PPWD1: variants seen among roughly 807,000 people sequenced by gnomAD.
PPWD1 encodes the protein peptidylprolyl isomerase domain and WD repeat-containing protein 1.
In PPWD1, 43 loss-of-function variants were observed where a neutral mutation model predicts 68.8. The observed-to-expected ratio is 0.62, with a 90% CI of 0.49 to 0.81. PPWD1 has a LOEUF of 0.81. PPWD1 is among the 30% of genes least tolerant of loss of function. The pLI, the probability that PPWD1 is intolerant of heterozygous loss-of-function variation, is 0.00. For synonymous variants in PPWD1, 232 were observed against 258.7 expected (o/e 0.90, Z 0.99); for missense variants, 672 against 804.8 (o/e 0.83, Z 2.00).
At chr5:65,567,033 CAAT>C (rs1380449862) in intron 1 of PPWD1, among the ~76,000 whole-genome samples, 3 of 152,054 alleles carry the variant, frequency 2.0e-5, no homozygotes, top group Non-Finnish European at 4.4e-5. Flanking sequence ...AACACAGTGT[CAAT>C]AACTTGAAAG....
Position 65,567,544 on chromosome 5 carries a change from TCTCCC to T in PPWD1, c.230_234del (p.Leu77GlnfsTer6), listed in dbSNP as rs974946435. 6.2e-7 allele frequency: 1 copy of T among 1,611,868 alleles called. No homozygotes were observed. Among genetic ancestry groups the T allele is most frequent in the African/African-American group, 1.3e-5 (1 of 74,848 alleles). ...AGTTTGAAAGAGTCTATCTTGATAA[TCTCCC>T]CAGTGCATCCATGTATGAGCGCAGT... On this transcript the variant is annotated frameshift_variant, in exon 2 of 11. Transcript: ENST00000261308. LOFTEE classifies it high-confidence loss of function.
Position 65,579,509 on chromosome 5 carries a change from G to A in PPWD1, c.1246G>A (p.Ala416Thr), listed in dbSNP as rs538651392. Reference sequence around the variant, plus strand: ...GGGGATAGCCAAAAAGCATCGTGCTGCAACTACTATAGAAATGAAAGCTTC... The same window carrying A: ...GGGGATAGCCAAAAAGCATCGTGCTACAACTACTATAGAAATGAAAGCTTC... Reference protein sequence around the residue: ...FQGIAKKHRAATTIEMKASEN... With the variant: ...FQGIAKKHRATTTIEMKASEN... Residue 416 changes from alanine to threonine, a missense_variant, in exon 7 of 11, where the codon GCA becomes ACA. This residue lies in a region of PPWD1 where 484 missense variants were observed against 646.2 expected (regional missense o/e 0.75). Transcript: ENST00000261308. 2.5e-5 allele frequency: 40 copies of A among 1,610,668 alleles called. No individual in the cohort carries two copies. The South Asian group carries it at 3.7e-4, about 15-fold the overall frequency.
At chr5:65,575,874 G>T (rs907500097) in intron 5 of PPWD1, among the ~76,000 whole-genome samples, 2 of 152,184 alleles carry the variant, frequency 1.3e-5, no homozygotes, top group African/African-American at 4.8e-5. Context: ...TTATGAATTT[G>T]TTATAAATTA....
intron 1 of PPWD1, among the ~76,000 whole-genome samples, chr5:65,566,287 C>A (rs1424302908): frequency 6.6e-6 from 1 of 152,166 alleles, no homozygotes; most frequent in East Asian, 1.9e-4. Context: ...TCCAGAAGTT[C>A]CTAGGCTCTC....
intron 5 of PPWD1, among the ~76,000 whole-genome samples, chr5:65,573,882 T>G (rs920750461): frequency 1.1e-4 from 16 of 152,146 alleles, no homozygotes; most frequent in African/African-American, 3.9e-4. Context: ...CCATCACTTG[T>G]TAGACTGCTA....
At chr5:65,564,136 CA>C (rs908486333) in intron 1 of PPWD1, among the ~76,000 whole-genome samples, 1 of 152,086 alleles carries the variant, frequency 6.6e-6, no homozygotes, top group Non-Finnish European at 1.5e-5. Context: ...AAATTATTAT[CA>C]AATAAAAGGG....
At position 65,571,863 on chromosome 5, in the gene PPWD1, G is replaced by C; in HGVS notation, c.546G>C (p.Trp182Cys). Reference sequence around the variant, plus strand: ...GCTATTTTCCTGGACAGTGTGAGTGGATCTATTGCCCAGGGGATGCAATTT... The same window carrying C: ...GCTATTTTCCTGGACAGTGTGAGTGCATCTATTGCCCAGGGGATGCAATTT... ...KLGYFPGQCEWIYCPGDAISS... is the reference protein window; with the variant it reads ...KLGYFPGQCECIYCPGDAISS... The change falls in exon 5 of 11, where the codon TGG becomes TGC. Residue 182 changes from tryptophan (W) to cysteine (C), a missense_variant. Physicochemically the swap from Trp to Cys is radical, Grantham distance 215. Transcript: ENST00000261308. 6.2e-7 allele frequency: 1 copy of C among 1,613,888 alleles called. No homozygotes were observed. The highest frequency in any genetic ancestry group is 8.5e-7 in the Non-Finnish European group (1 of 1,179,892).
chr5:65,569,517 T>G (rs989228776), intron 2 of PPWD1, 115 bp from the exon 3 acceptor site: 3 of 1,244,974 alleles, frequency 2.4e-6, no homozygotes, highest in Non-Finnish European at 2.1e-6. Flanking sequence ...AGGGTTTTTT[T>G]TAAAAAAAAA....
rs140669475 is a variant in PPWD1 at position 65,571,984 on chromosome 5, A to G, written c.667A>G (p.Thr223Ala). 30 of 1,613,964 alleles carry G rather than the reference A, an allele frequency of 1.9e-5. No individual in the cohort carries two copies. In the African/African-American group the frequency reaches 4.0e-4, roughly 22 times the overall value. The change falls in exon 5 of 11, where the codon ACA (threonine) becomes GCA (alanine). Residue 223 changes from threonine to alanine, a missense_variant. Thr to Ala is a moderately conservative substitution (Grantham distance 58). Coordinates refer to ENST00000261308, the MANE Select transcript of PPWD1 (RefSeq NM_015342.4). ...QPLHIFDKLH[T>A]SPLTQIRLNP... ...ACTTCATATTTTTGACAAACTCCAT[A>G]CATCACCTCTTACTCAGATACGGCT...
At chr5:65,583,642 C>T (rs1255833550) in intron 8 of PPWD1, among the ~76,000 whole-genome samples, 2 of 152,154 alleles carry the variant, frequency 1.3e-5, no homozygotes, top group Admixed American at 6.5e-5. Context: ...GTTTCAGTAG[C>T]TCTGTGTTTT....
At chr5:65,563,741 G>C in intron 1 of PPWD1, 1 of 1,435,408 alleles carries the variant, frequency 7.0e-7, no homozygotes, top group Non-Finnish European at 9.5e-7. Context: ...TGTTATGACA[G>C]ATGCTAAAAC....
At chr5:65,585,782 A>C (rs1753814547) in intron 9 of PPWD1, among the ~76,000 whole-genome samples, 1 of 152,194 alleles carries the variant, frequency 6.6e-6, no homozygotes, top group African/African-American at 2.4e-5. Flanking sequence ...CATGTCTATA[A>C]ATGAGAAGAC....
chr5:65,574,557 G>A (rs935614077), intron 5 of PPWD1, among the ~76,000 whole-genome samples: 4 of 147,742 alleles, frequency 2.7e-5, no homozygotes, highest in East Asian at 2.1e-4. Flanking sequence ...TCCGCTTCCC[G>A]GGTTCACGCC....
intron 5 of PPWD1, chr5:65,576,407 C>CAAAAA: frequency 2.2e-6 from 2 of 901,052 alleles, no homozygotes; most frequent in Non-Finnish European, 2.6e-6. Flanking sequence ...GACGGAGTCT[C>CAAAAA]ACTCTGTCCC....
Position 65,585,590 on chromosome 5 carries a change from G to A in PPWD1, c.1615-409G>A, listed in dbSNP as rs560562126. Among the ~76,000 whole-genome samples, 6 of 152,150 alleles carry A rather than the reference G, an allele frequency of 3.9e-5. No individual in the cohort carries two copies. The South Asian group carries it at 8.3e-4, about 21-fold the overall frequency. On this transcript the variant is annotated intron_variant, in intron 9 of 10. Transcript: ENST00000261308. ...GCTTGGTTTCTGGCAGGTCAGAAAC[G>A]GCAGGATGAAAAGTCAGATCTCAGG...
rs1283232135 is a variant in PPWD1, at chr5:65,563,402, A to T, written c.92A>T (p.Glu31Val). 1.2e-6 allele frequency: 2 copies of T among 1,614,100 alleles called. No individual in the cohort carries two copies. The highest frequency in any genetic ancestry group is 8.5e-7 in the Non-Finnish European group (1 of 1,179,992). ...GAAAAAACAGAACTCAGCGAAAGAG[A>T]GCTGGCAGTAGCAGTGGCGGTGTCC... ...EPEKTELSERELAVAVAVSQE... is the reference protein window; with the variant it reads ...EPEKTELSERVLAVAVAVSQE... Residue 31 changes from glutamate (E) to valine (V), a missense_variant, in exon 1 of 11, where the codon GAG becomes GTG. Physicochemically the swap from Glu to Val is moderately radical, Grantham distance 121. Coordinates refer to ENST00000261308, the MANE Select transcript of PPWD1 (RefSeq NM_015342.4).
intron 6 of PPWD1, among the ~76,000 whole-genome samples, chr5:65,577,797 C>T (rs544277772): frequency 1.3e-5 from 2 of 152,188 alleles, no homozygotes; most frequent in Non-Finnish European, 2.9e-5. Context: ...TCCATATACC[C>T]TCTGCCCCAA....
intron 10 of PPWD1, 109 bp downstream of exon 10, chr5:65,586,290 C>A: frequency 9.6e-7 from 1 of 1,037,172 alleles, no homozygotes. Flanking sequence ...TTATTTATAT[C>A]ATCTAGCAGA....
chr5:65,578,808 G>GTATATATATATACATATATATGTA (rs1174295414), intron 6 of PPWD1, among the ~76,000 whole-genome samples: 2 of 123,166 alleles, frequency 1.6e-5, no homozygotes, highest in African/African-American at 6.5e-5. Context: ...ATATATATGT[G>GTATATATATATACATATATATGTA]TATATATATA....
Sources: gnomAD v4.1 joint callset for allele counts (sites outside exome capture counted in the v4.1 genomes callset) on GRCh38, gnomAD v4.1.1 for gene constraint, gnomAD v4.1.1 regional missense constraint, MANE v1.5 for transcripts, NCBI Gene and HGNC (gene_info 2026-07-23, HGNC 2026-07-21) for gene names.